NAV1: variants seen among roughly 807,000 people sequenced by gnomAD.
NAV1 encodes the protein pore membrane and/or filament interacting like protein 3.
In NAV1, 18 loss-of-function variants were observed where a neutral mutation model predicts 175.2. The ratio of observed to expected loss-of-function variants is 0.10; its 90% CI spans 0.07 to 0.15. The LOEUF is 0.15. Among genes scored for constraint, NAV1 ranks in the 10% least tolerant of loss-of-function variants. The pLI is 1.00. For synonymous variants in NAV1, 897 were observed against 978.7 expected, an observed-to-expected ratio of 0.92 and a Z score of 1.56; for missense variants, 1,731 against 2,436.6, an observed-to-expected ratio of 0.71 and a Z score of 6.10.
chr1:201,581,786 A>G (rs1041956977), intron 1 of NAV1, among the ~76,000 whole-genome samples: 4 of 151,232 alleles, frequency 2.6e-5, no homozygotes, highest in Non-Finnish European at 5.9e-5. Context: ...CTGAGATTGC[A>G]CCACTACACT....
At chr1:201,774,273 GT>G (rs1675792048) in intron 3 of NAV1, among the ~76,000 whole-genome samples, 1 of 152,150 alleles carries the variant, frequency 6.6e-6, no homozygotes, top group African/African-American at 2.4e-5. Flanking sequence ...TCTGAGCCCT[GT>G]CCTCTTTACT....
In NAV1 at chr1:201,812,383, GGA is replaced by G; in HGVS notation, c.5025-80_5025-79del. On this transcript the variant is annotated intron_variant, in intron 26 of 29. Coordinates refer to ENST00000367296, the Ensembl canonical transcript of NAV1. This position sits in a 1 kb window ranked among gnomAD's most constrained non-coding sequence, Gnocchi z 4.6. ...AGGCATTAGTGAGAAGCAGGCAGAA[GGA>G]GGGACAGACTGGCAGGGGCTGAACC... is the stretch of plus-strand genomic sequence containing the variant. The G allele has an allele frequency of 7.3e-7, 1 of 1,375,274 alleles. No homozygotes were observed. Among genetic ancestry groups the G allele is most frequent in the Non-Finnish European group, 1.0e-6 (1 of 980,532 alleles). 85.2% of individuals were successfully genotyped at this position (1,375,274 alleles called of 1,614,324 possible).
intron 2 of NAV1, among the ~76,000 whole-genome samples, chr1:201,642,196 T>C (rs373570136): frequency 0.21 from 26,037 of 124,400 alleles, 2,919 homozygotes; most frequent in Admixed American, 0.29. Context: ...TTCCCTCCTT[T>C]CTTCCTTTCT....
intron 1 of NAV1, among the ~76,000 whole-genome samples, chr1:201,587,570 G>A (rs890705390): frequency 2.6e-5 from 4 of 152,004 alleles, no homozygotes; most frequent in Non-Finnish European, 1.5e-5. Flanking sequence ...TGTAGTCCTG[G>A]CTACTTGGGA....
intron 1 of NAV1, among the ~76,000 whole-genome samples, chr1:201,575,230 A>G (rs1265075360): frequency 6.6e-6 from 1 of 152,180 alleles, no homozygotes; most frequent in Non-Finnish European, 1.5e-5. Context: ...AGAGACAGAG[A>G]CCTAGAGAGA....
At chr1:201,692,000 C>T (rs185113110) in intron 1 of NAV1, among the ~76,000 whole-genome samples, 17 of 152,306 alleles carry the variant, frequency 1.1e-4, no homozygotes, top group African/African-American at 2.4e-4. Flanking sequence ...TCATTCTTCA[C>T]GCTTTGTGTG....
intron 2 of NAV1, among the ~76,000 whole-genome samples, chr1:201,602,889 A>G (rs1331416117): frequency 6.6e-6 from 1 of 152,072 alleles, no homozygotes; most frequent in Admixed American, 6.5e-5. Flanking sequence ...GGCTCAGGCC[A>G]AGCAGAAATG....
At chr1:201,806,360 C>T (rs915129398) in intron 17 of NAV1, among the ~76,000 whole-genome samples, 3 of 152,168 alleles carry the variant, frequency 2.0e-5, no homozygotes, top group Non-Finnish European at 4.4e-5. Context: ...TTTCATTTTG[C>T]TTAATCCATT....
At chr1:201,817,527 G>A (rs1679125858) in intron 29 of NAV1, among the ~76,000 whole-genome samples, 1 of 152,188 alleles carries the variant, frequency 6.6e-6, no homozygotes, top group South Asian at 2.1e-4. Flanking sequence ...TGGGGGCCTG[G>A]AGAGTAAAGA....
chr1:201,562,278 C>T (rs928976902), intron 1 of NAV1, among the ~76,000 whole-genome samples: 1 of 151,550 alleles, frequency 6.6e-6, no homozygotes, highest in Non-Finnish European at 1.5e-5. Context: ...CTTTCAGCCC[C>T]AAAAGTGCTG....
rs529588872 is a variant in NAV1, at chr1:201,794,309, G to A, written c.3406-157G>A. 6.6e-5 allele frequency: 45 copies of A among 678,322 alleles called. No individual in the cohort carries two copies. The East Asian group carries it at 7.3e-4, about 11-fold the overall frequency. 42.0% of individuals were successfully genotyped at this position (678,322 alleles called of 1,614,324 possible). A position where few individuals can be genotyped will look rare whatever the true frequency, so the allele number is the denominator to read the frequency against. On this transcript the variant is annotated intron_variant, in intron 14 of 29. Coordinates refer to ENST00000367296, the Ensembl canonical transcript of NAV1. ...TGGGATTACAGGTGCCCGCCACCACGCCCAGCTAATTTTTGTATTTTTAAT... is the reference window on the plus strand; with the variant it reads ...TGGGATTACAGGTGCCCGCCACCACACCCAGCTAATTTTTGTATTTTTAAT...
chr1:201,634,567 T>C (rs1314932796), intron 2 of NAV1, among the ~76,000 whole-genome samples: 1 of 152,136 alleles, frequency 6.6e-6, no homozygotes, highest in Non-Finnish European at 1.5e-5. Flanking sequence ...AGTAAGGTCA[T>C]CCGAGGTACC....
chr1:201,807,788 C>T lies in NAV1; in HGVS notation c.3649-165C>T, dbSNP rs1361028377. Among the ~76,000 whole-genome samples, 1 of 152,124 alleles carries T rather than the reference C, an allele frequency of 6.6e-6. No individual in the cohort carries two copies. Among genetic ancestry groups the T allele is most frequent in the Non-Finnish European group, 1.5e-5 (1 of 68,022 alleles). Reference sequence around the variant, plus strand: ...CCACGGTCCTAATTTCTAGGCAACTCTTCTGTCCGTATTCTATGAATCAAG... The same window carrying T: ...CCACGGTCCTAATTTCTAGGCAACTTTTCTGTCCGTATTCTATGAATCAAG... On this transcript the variant is annotated intron_variant, in intron 17 of 29. Coordinates refer to ENST00000367296, the Ensembl canonical transcript of NAV1. This position sits in a 1 kb window ranked among gnomAD's most constrained non-coding sequence, Gnocchi z 5.4.
intron 1 of NAV1, among the ~76,000 whole-genome samples, chr1:201,654,168 C>T (rs899297021): frequency 2.6e-5 from 4 of 152,144 alleles, no homozygotes; most frequent in African/African-American, 9.7e-5. Context: ...GTACCCAGAG[C>T]TACTCTGGCT....
intron 28 of NAV1, among the ~76,000 whole-genome samples, chr1:201,815,331 C>G (rs970069197): frequency 2.0e-5 from 3 of 152,022 alleles, no homozygotes; most frequent in Admixed American, 2.0e-4. Flanking sequence ...CTCTTGAGAC[C>G]AGGAGTTAAA....
At chr1:201,639,276 G>C (rs1197236303) in intron 2 of NAV1, among the ~76,000 whole-genome samples, 1 of 152,224 alleles carries the variant, frequency 6.6e-6, no homozygotes, top group African/African-American at 2.4e-5. Context: ...AAGGCAGCCA[G>C]ATAGCAGAGG....
At chr1:201,800,423 G>C (rs928963753) in intron 15 of NAV1, among the ~76,000 whole-genome samples, 1 of 152,214 alleles carries the variant, frequency 6.6e-6, no homozygotes, top group Non-Finnish European at 1.5e-5. Flanking sequence ...GCCAAGTCTG[G>C]CTCACCACTC....
chr1:201,671,131 G>A (rs1326219137), intron 1 of NAV1, among the ~76,000 whole-genome samples: 13 of 152,268 alleles, frequency 8.5e-5, no homozygotes, highest in Admixed American at 3.9e-4. Context: ...CACTTCTTGA[G>A]GCAAACGGTA....
intron 1 of NAV1, among the ~76,000 whole-genome samples, chr1:201,582,673 A>T (rs1028658268): frequency 8.5e-5 from 13 of 152,230 alleles, no homozygotes; most frequent in African/African-American, 3.1e-4. Flanking sequence ...AAATCCAACA[A>T]GGGAGCATGA....
Sources: gnomAD v4.1 joint callset for allele counts (sites outside exome capture counted in the v4.1 genomes callset) on GRCh38, gnomAD v4.1.1 for gene constraint, Gnocchi (gnomAD v3.1) non-coding constraint, MANE v1.5 for transcripts, NCBI Gene and HGNC (gene_info 2026-07-23, HGNC 2026-07-21) for gene names.